SLC44A5: variants seen among roughly 807,000 people sequenced by gnomAD.
SLC44A5 encodes choline transporter-like protein 5.
Under a neutral mutation model 101.8 loss-of-function variants are expected in SLC44A5, and 57 were observed. That is an observed-to-expected ratio of 0.56 (90% CI 0.45 to 0.70). SLC44A5 has a LOEUF of 0.70. Among genes scored for constraint, SLC44A5 ranks in the 30% least tolerant of loss-of-function variants. The pLI is 0.00. For missense variants in SLC44A5, 737 were observed against 853.1 expected (o/e 0.86, Z 1.70); for synonymous variants, 281 against 290.9 (o/e 0.97, Z 0.35).
chr1:75,403,337 C>T (rs183048665), intron 2 of SLC44A5, among the ~76,000 whole-genome samples: 40 of 152,298 alleles, frequency 2.6e-4, no homozygotes, highest in African/African-American at 9.4e-4. Flanking sequence ...GCACAGGGCT[C>T]GATCTCTGCT....
At chr1:75,311,862 G>A (rs570109240) in intron 4 of SLC44A5, among the ~76,000 whole-genome samples, 2 of 152,286 alleles carry the variant, frequency 1.3e-5, no homozygotes, top group East Asian at 3.9e-4. Context: ...GTGGTTGTAG[G>A]ACTTGTATTT....
chr1:75,656,791 A>T, the SLC44A5 span, among the ~76,000 whole-genome samples: 6 of 152,204 alleles, frequency 3.9e-5, no homozygotes, highest in South Asian at 2.1e-4. Flanking sequence ...ACTAAAATAC[A>T]AGTAACAAAA....
At chr1:75,594,762 G>A (rs1382865549) in intron 1 of SLC44A5, among the ~76,000 whole-genome samples, 1 of 151,524 alleles carries the variant, frequency 6.6e-6, no homozygotes, top group Non-Finnish European at 1.5e-5. Flanking sequence ...AAAAGGCAGA[G>A]GGAAGATGGT....
intron 3 of SLC44A5, among the ~76,000 whole-genome samples, chr1:75,364,714 G>A (rs375826409): frequency 6.6e-5 from 10 of 152,010 alleles, no homozygotes; most frequent in Admixed American, 4.6e-4. Flanking sequence ...CACCTACTAC[G>A]CAAAGTTTAG....
At chr1:75,339,031 AC>A (rs1161819928) in intron 4 of SLC44A5, among the ~76,000 whole-genome samples, 1 of 152,204 alleles carries the variant, frequency 6.6e-6, no homozygotes, top group Non-Finnish European at 1.5e-5. Context: ...TTAAAATGGC[AC>A]AGAACCTTGG....
At chr1:75,371,796 G>A (rs531032451) in intron 3 of SLC44A5, among the ~76,000 whole-genome samples, 36 of 152,274 alleles carry the variant, frequency 2.4e-4, no homozygotes, top group African/African-American at 8.2e-4. Context: ...ACCTTCTAAA[G>A]GCTGTTTTTC....
the SLC44A5 span, among the ~76,000 whole-genome samples, chr1:75,679,991 C>G: frequency 3.9e-5 from 6 of 152,074 alleles, no homozygotes; most frequent in African/African-American, 1.5e-4. Flanking sequence ...GACTTTAAAC[C>G]AACAAAGATC....
At chr1:75,626,440 T>A in the SLC44A5 span, among the ~76,000 whole-genome samples, 1 of 152,116 alleles carries the variant, frequency 6.6e-6, no homozygotes, top group Non-Finnish European at 1.5e-5. Context: ...GTTCAAACAC[T>A]CAAGATGCCT....
intron 3 of SLC44A5, among the ~76,000 whole-genome samples, chr1:75,375,623 G>A (rs952669492): frequency 9.2e-5 from 14 of 152,228 alleles, no homozygotes; most frequent in Non-Finnish European, 1.8e-4. Flanking sequence ...TTCACAAAGG[G>A]AACCCCATCA....
At chr1:75,629,678 C>G in the SLC44A5 span, among the ~76,000 whole-genome samples, 1 of 152,076 alleles carries the variant, frequency 6.6e-6, no homozygotes, top group Admixed American at 6.6e-5. Context: ...AATAACTTTG[C>G]AAACACATTA....
intron 3 of SLC44A5, among the ~76,000 whole-genome samples, chr1:75,343,846 A>C (rs1393026220): frequency 6.6e-6 from 1 of 152,146 alleles, no homozygotes; most frequent in Admixed American, 6.6e-5. Flanking sequence ...ATTTCATTCA[A>C]AGAAAGGGTT....
At chr1:75,462,916 A>T (rs573440494) in intron 2 of SLC44A5, among the ~76,000 whole-genome samples, 62 of 152,298 alleles carry the variant, frequency 4.1e-4, no homozygotes, top group African/African-American at 1.4e-3. Context: ...CAAGAGGGCA[A>T]ATCTAATAGT....
chr1:75,223,092 CGT>C (rs1647123093), intron 13 of SLC44A5, among the ~76,000 whole-genome samples: 4 of 152,104 alleles, frequency 2.6e-5, no homozygotes, highest in African/African-American at 9.7e-5. Flanking sequence ...ATACAAACTG[CGT>C]CAAAACCATC....
At chr1:75,460,729 T>C (rs1405645886) in intron 2 of SLC44A5, among the ~76,000 whole-genome samples, 1 of 152,188 alleles carries the variant, frequency 6.6e-6, no homozygotes, top group Admixed American at 6.5e-5. Flanking sequence ...AAATCTCTAC[T>C]GATATTATTG....
At chr1:75,624,199 T>C in the SLC44A5 span, among the ~76,000 whole-genome samples, 1 of 152,104 alleles carries the variant, frequency 6.6e-6, no homozygotes, top group African/African-American at 2.4e-5. Flanking sequence ...TTCTAATACA[T>C]TGAATAAAAT....
intron 2 of SLC44A5, among the ~76,000 whole-genome samples, chr1:75,489,132 A>T (rs1268311230): frequency 6.6e-6 from 1 of 152,146 alleles, no homozygotes; most frequent in African/African-American, 2.4e-5. Flanking sequence ...ACAGGCCTGA[A>T]GTCAATTTTA....
At chr1:75,601,719 G>C (rs4949866) in intron 1 of SLC44A5, among the ~76,000 whole-genome samples, 44,176 of 151,964 alleles carry the variant, frequency 0.29, 7,540 homozygotes, top group East Asian at 0.77. Context: ...CATATCTAAA[G>C]CAATGAAAAT....
chr1:75,639,016 A>G, the SLC44A5 span, among the ~76,000 whole-genome samples: 1 of 152,040 alleles, frequency 6.6e-6, no homozygotes, highest in Admixed American at 6.6e-5. Flanking sequence ...ATGTAACTGG[A>G]GAGTAGATGA....
the SLC44A5 span, among the ~76,000 whole-genome samples, chr1:75,689,102 T>A: frequency 6.6e-6 from 1 of 152,164 alleles, no homozygotes; most frequent in Non-Finnish European, 1.5e-5. Context: ...TACCCAGAAG[T>A]ACACCTGGAT....
Sources: gnomAD v4.1 joint callset for allele counts (sites outside exome capture counted in the v4.1 genomes callset) on GRCh38, gnomAD v4.1.1 for gene constraint, MANE v1.5 for transcripts, NCBI Gene and HGNC (gene_info 2026-07-23, HGNC 2026-07-21) for gene names.